Variants in DPP6 observed in about 807,000 individuals in gnomAD.
DPP6 encodes A-type potassium channel modulatory protein DPP6.
DPP6 carries 69 observed loss-of-function variants against 122.6 expected under a neutral mutation model. The ratio of observed to expected loss-of-function variants is 0.56; its 90% confidence interval spans 0.46 to 0.69. The LOEUF is 0.69. Among genes scored for constraint, DPP6 ranks in the 30% least tolerant of loss-of-function variants. DPP6 has a pLI of 0.00. For synonymous variants in DPP6, 418 were observed against 433.1 expected (o/e 0.97, Z 0.43); for missense variants, 928 against 1,116.9 (o/e 0.83, Z 2.41).
At chr7:154,225,727 A>G (rs1407020870) in intron 1 of DPP6, among the ~76,000 whole-genome samples, 1 of 152,188 alleles carries the variant, frequency 6.6e-6, no homozygotes, top group African/African-American at 2.4e-5. Flanking sequence ...TTTAAAGAAC[A>G]GAGACATTTA....
chr7:154,438,117 T>TA (rs1298045641), intron 1 of DPP6, among the ~76,000 whole-genome samples: 1 of 151,970 alleles, frequency 6.6e-6, no homozygotes. Context: ...ACATTCGGCT[T>TA]TTGTTTTTGA....
chr7:154,497,190 A>G (rs1824818859), intron 3 of DPP6, among the ~76,000 whole-genome samples: 1 of 152,194 alleles, frequency 6.6e-6, no homozygotes, highest in African/African-American at 2.4e-5. Flanking sequence ...AAAAACTAAA[A>G]TCACTCAAGT....
At chr7:154,530,707 C>T (rs1220517156) in intron 3 of DPP6, among the ~76,000 whole-genome samples, 1 of 152,162 alleles carries the variant, frequency 6.6e-6, no homozygotes, top group Non-Finnish European at 1.5e-5. Flanking sequence ...TTCACTGCAG[C>T]ACTGTTCGCA....
At chr7:154,190,881 A>G (rs759137874) in intron 1 of DPP6, among the ~76,000 whole-genome samples, 1 of 152,230 alleles carries the variant, frequency 6.6e-6, no homozygotes, top group Non-Finnish European at 1.5e-5. Flanking sequence ...TTGCTTTGCC[A>G]TGTGCTCTTG....
At chr7:154,144,584 A>G (rs1328351561) in intron 1 of DPP6, among the ~76,000 whole-genome samples, 75 of 148,320 alleles carry the variant, frequency 5.1e-4, no homozygotes, top group East Asian at 3.6e-3. Flanking sequence ...GAGTCATTCA[A>G]TGTTCAGAAT....
intron 8 of DPP6, among the ~76,000 whole-genome samples, chr7:154,766,242 C>G (rs1795892017): frequency 6.6e-6 from 1 of 152,184 alleles, no homozygotes; most frequent in Non-Finnish European, 1.5e-5. Flanking sequence ...GAGGAACTAC[C>G]CTCTGCCATC....
intron 1 of DPP6, among the ~76,000 whole-genome samples, chr7:153,982,453 T>C (rs1796634566): frequency 6.6e-6 from 1 of 152,218 alleles, no homozygotes; most frequent in Middle Eastern, 3.4e-3. Context: ...TATAACTTTT[T>C]ATCAAAGTTC....
rs117556560 is a variant in DPP6 at position 153,905,604 on chromosome 7, A to G, written c.51+17870A>G. 2.9e-3 allele frequency among the ~76,000 whole-genome samples: 426 copies of G among 148,954 alleles called. 1 individual carries two copies. Among genetic ancestry groups the G allele is most frequent in the Non-Finnish European group, 4.9e-3 (323 of 66,024 alleles). On this transcript the variant is annotated intron_variant, in intron 1 of 25. Transcript: ENST00000404039. ...AAAAATATTTCTTAAAGGGGATAAAATGAGTATGTATTGGCAATTTGCTAC... is the reference window on the plus strand; with the variant it reads ...AAAAATATTTCTTAAAGGGGATAAAGTGAGTATGTATTGGCAATTTGCTAC...
At chr7:153,761,326 G>A in the DPP6 span, among the ~76,000 whole-genome samples, 1 of 152,246 alleles carries the variant, frequency 6.6e-6, no homozygotes, top group South Asian at 2.1e-4. Context: ...GGCCTAAAAT[G>A]TATGAGAAAT....
rs1193279333 is a variant in DPP6 at position 154,046,772 on chromosome 7, C to T, written c.51+159038C>T. Among the ~76,000 whole-genome samples the T allele has an allele frequency of 1.8e-4, 27 of 152,276 alleles. No individual in the cohort carries two copies. In the South Asian group the frequency reaches 2.1e-3, roughly 12 times the overall value. On this transcript the variant is annotated intron_variant, in intron 1 of 25. Transcript: ENST00000404039. ...CTTTTCTTATTTTGTTATTTCTGGCCGACAAGCCTTCTCTTTCGGGGGTGA... is the reference window on the plus strand; with the variant it reads ...CTTTTCTTATTTTGTTATTTCTGGCTGACAAGCCTTCTCTTTCGGGGGTGA...
At chr7:154,219,004 TG>T (rs1320074332) in intron 1 of DPP6, among the ~76,000 whole-genome samples, 1 of 152,228 alleles carries the variant, frequency 6.6e-6, no homozygotes, top group Non-Finnish European at 1.5e-5. Context: ...TTTCCCAGAA[TG>T]GGCCTGTCTT....
At chr7:154,746,066 A>G (rs941435510) in intron 8 of DPP6, among the ~76,000 whole-genome samples, 1 of 152,190 alleles carries the variant, frequency 6.6e-6, no homozygotes, top group Non-Finnish European at 1.5e-5. Flanking sequence ...AGGAAAGAAG[A>G]AAAAAGAAGA....
At chr7:154,473,092 A>T (rs774348500) in intron 2 of DPP6, among the ~76,000 whole-genome samples, 3 of 152,230 alleles carry the variant, frequency 2.0e-5, no homozygotes, top group Non-Finnish European at 4.4e-5. Flanking sequence ...AGTGAAGTTT[A>T]ATCAGATAAA....
chr7:154,383,988 G>A (rs1813862321), intron 1 of DPP6, among the ~76,000 whole-genome samples: 2 of 151,980 alleles, frequency 1.3e-5, no homozygotes, highest in African/African-American at 4.8e-5. Context: ...AAGAGCCTGA[G>A]TCTGCCCAGC....
intron 3 of DPP6, among the ~76,000 whole-genome samples, chr7:154,519,231 A>C (rs1461017918): frequency 1.3e-5 from 2 of 152,354 alleles, no homozygotes; most frequent in Admixed American, 1.3e-4. Context: ...GTGAATGTAT[A>C]CTAATGATGC....
At chr7:154,344,483 C>T (rs905887303) in intron 1 of DPP6, among the ~76,000 whole-genome samples, 1 of 152,168 alleles carries the variant, frequency 6.6e-6, no homozygotes, top group Non-Finnish European at 1.5e-5. Context: ...TAAATTAGCA[C>T]AGCCACTATG....
intron 1 of DPP6, among the ~76,000 whole-genome samples, chr7:154,432,315 G>A (rs773976857): frequency 2.8e-4 from 42 of 152,084 alleles, no homozygotes; most frequent in Non-Finnish European, 1.2e-4. Context: ...TGGTTTTCAC[G>A]CATTCTGGTA....
At chr7:154,191,406 A>G (rs928832935) in intron 1 of DPP6, among the ~76,000 whole-genome samples, 1 of 152,212 alleles carries the variant, frequency 6.6e-6, no homozygotes, top group Non-Finnish European at 1.5e-5. Flanking sequence ...AATAGTGATA[A>G]GATTACTTAA....
chr7:154,351,095 G>A (rs1258734305), intron 1 of DPP6, among the ~76,000 whole-genome samples: 3 of 152,210 alleles, frequency 2.0e-5, no homozygotes, highest in African/African-American at 4.8e-5. Flanking sequence ...ACGGGGGCAC[G>A]TGACTTCTAA....
Sources: gnomAD v4.1 joint callset for allele counts (sites outside exome capture counted in the v4.1 genomes callset) on GRCh38, gnomAD v4.1.1 for gene constraint, MANE v1.5 for transcripts, NCBI Gene and HGNC (gene_info 2026-07-23, HGNC 2026-07-21) for gene names.